Variants in ARMC9 observed in about 807,000 individuals in gnomAD.
ARMC9 encodes the protein armadillo repeat containing 9, also known as lisH domain-containing protein ARMC9.
In ARMC9, 94 loss-of-function variants were observed where a neutral mutation model predicts 107.0. That is an observed-to-expected ratio of 0.88 (90% CI 0.74 to 1.04). The LOEUF (loss-of-function observed/expected upper bound fraction) is 1.04, where lower values mean the gene tolerates loss of function less well. Ranked by LOEUF, ARMC9 falls within the 50% of genes least tolerant of loss-of-function variation. The probability of loss-of-function intolerance (pLI) is 0.00; values close to 1 mark genes in which losing one functional copy is unlikely to be tolerated. For missense variants in ARMC9, 942 were observed against 1,030.1 expected (o/e 0.91, Z 1.17); for synonymous variants, 380 against 396.9 (o/e 0.96, Z 0.51).
intron 19 of ARMC9, among the ~76,000 whole-genome samples, chr2:231,298,494 C>T (rs893104617): frequency 6.6e-6 from 1 of 152,224 alleles, no homozygotes; most frequent in Non-Finnish European, 1.5e-5. Context: ...CCCAAGGTGA[C>T]AGCTCTGAAG....
Position 231,276,703 on chromosome 2 carries a change from C to T in ARMC9, c.1402C>T (p.Pro468Ser). The stretch of plus-strand genomic sequence containing the variant: ...CTGGCTGGTTGATGTTCTGAAGGAC[C>T]CTGACTGCCTGTCTGACTACACGCT... Reference protein sequence around the residue: ...IFWLVDVLKDPDCLSDYTLEY... With the variant: ...IFWLVDVLKDSDCLSDYTLEY... Residue 468 changes from proline (P) to serine (S), a missense_variant, in exon 15 of 25, where the codon CCT becomes TCT. By Grantham distance (74) the Pro-to-Ser change is moderately conservative. Transcript: ENST00000611582. The T allele has an allele frequency of 5.6e-6, 9 of 1,614,138 alleles. No homozygotes were observed. Among genetic ancestry groups the T allele is most frequent in the Non-Finnish European group, 7.6e-6 (9 of 1,180,026 alleles).
chr2:231,245,576 C>T (rs540762445), intron 9 of ARMC9, among the ~76,000 whole-genome samples: 74 of 152,342 alleles, frequency 4.9e-4, no homozygotes, highest in African/African-American at 1.4e-3. Flanking sequence ...CTTCGCTCAG[C>T]GCATCCTGCC....
chr2:231,371,457 G>A (rs1349601760), intron 24 of ARMC9, 56 bp from the exon 25 acceptor site: 1 of 1,298,734 alleles, frequency 7.7e-7, no homozygotes, highest in Non-Finnish European at 9.8e-7. Context: ...GGGACAGAGG[G>A]GATTCTGTGC....
chr2:231,267,236 T>A (rs532376706), intron 12 of ARMC9, among the ~76,000 whole-genome samples: 5 of 152,274 alleles, frequency 3.3e-5, no homozygotes, highest in South Asian at 4.1e-4. Context: ...ATATTTATTT[T>A]TTTTTTAATT....
At chr2:231,278,881 A>C (rs1329472603) in intron 16 of ARMC9, among the ~76,000 whole-genome samples, 1 of 152,218 alleles carries the variant, frequency 6.6e-6, no homozygotes, top group Non-Finnish European at 1.5e-5. Context: ...CATTCTGTTT[A>C]TGGCTTTTCC....
chr2:231,235,447 A>G (rs2035618408), intron 8 of ARMC9, 66 bp downstream of exon 8: 4 of 1,545,222 alleles, frequency 2.6e-6, no homozygotes, highest in Admixed American at 1.9e-5. Flanking sequence ...GGCATGGACT[A>G]TGTTGATATG....
chr2:231,223,470 A>G (rs1283497185), intron 6 of ARMC9, among the ~76,000 whole-genome samples: 1 of 152,184 alleles, frequency 6.6e-6, no homozygotes, highest in Non-Finnish European at 1.5e-5. Context: ...AATTTCCCAA[A>G]GGTTATTAGT....
At chr2:231,259,156 C>A in intron 11 of ARMC9, 54 bp downstream of exon 11, 1 of 1,419,990 alleles carries the variant, frequency 7.0e-7, no homozygotes, top group Non-Finnish European at 9.8e-7. Flanking sequence ...TGCTGGTTTT[C>A]TTGGCTGGCT....
chr2:231,226,715 C>T (rs2034675056), intron 6 of ARMC9, 59 bp from the exon 7 acceptor site: 6 of 1,581,212 alleles, frequency 3.8e-6, no homozygotes, highest in African/African-American at 1.4e-5. Flanking sequence ...ACAGGATGTC[C>T]GATACCCCAA....
chr2:231,313,565 C>T (rs982952653), intron 19 of ARMC9, among the ~76,000 whole-genome samples: 2 of 151,908 alleles, frequency 1.3e-5, no homozygotes, highest in Admixed American at 1.3e-4. Flanking sequence ...GTTGTGCTAC[C>T]ATCCCCACAA....
intron 19 of ARMC9, among the ~76,000 whole-genome samples, chr2:231,299,822 C>T (rs973299353): frequency 6.6e-6 from 1 of 152,080 alleles, no homozygotes; most frequent in Non-Finnish European, 1.5e-5. Flanking sequence ...TTTCTTGGCC[C>T]ACAAAGCCCC....
chr2:231,226,473 A>G (rs2034654511), intron 6 of ARMC9, among the ~76,000 whole-genome samples: 1 of 152,198 alleles, frequency 6.6e-6, no homozygotes, highest in Admixed American at 6.5e-5. Flanking sequence ...GCAGTGGGGA[A>G]GGCCTTTGGA....
intron 19 of ARMC9, among the ~76,000 whole-genome samples, chr2:231,312,170 G>A (rs2042391743): frequency 6.6e-6 from 1 of 152,196 alleles, no homozygotes; most frequent in Non-Finnish European, 1.5e-5. Context: ...TCATTCGGCT[G>A]GATGTCAGCT....
rs1559336651 is a variant in ARMC9, at chr2:231,239,930, A to G, written c.781-13A>G. 2 of 1,609,578 alleles carry G rather than the reference A, an allele frequency of 1.2e-6. No homozygotes were observed. Among genetic ancestry groups the G allele is most frequent in the Admixed American group, 1.7e-5 (1 of 59,974 alleles). On this transcript the variant is annotated splice_polypyrimidine_tract_variant and intron_variant, in intron 8 of 24. Transcript: ENST00000611582. ...TCATGCCATCACCAGATGTCTTTGT[A>G]TCCTCCTTGCAGATCACCCCTGAGT...
rs557058278 is a variant in ARMC9 at position 231,259,852 on chromosome 2, C to T, written c.1026+750C>T. The stretch of plus-strand genomic sequence containing the variant: ...TACTAAAAATACAAAAAAAATTAGC[C>T]AGGCATGAGGGCAGGCGCCTGTAGT... On this transcript the variant is annotated intron_variant, in intron 11 of 24. Transcript: ENST00000611582. 4.6e-5 allele frequency among the ~76,000 whole-genome samples: 7 copies of T among 152,102 alleles called. No homozygotes were observed. The South Asian group carries it at 1.2e-3, about 27-fold the overall frequency.
rs1293816262 is a variant in ARMC9 at position 231,360,397 on chromosome 2, G to A, written c.2132-357G>A. ...CCAGTTACATTTGAGTTTCAGATAA[G>A]CAAATGGGCCTCCACATTCTGTCTG... On this transcript the variant is annotated intron_variant, in intron 22 of 24. Transcript: ENST00000611582. This position sits in a 1 kb window ranked among gnomAD's most constrained non-coding sequence, Gnocchi z 4.7. Among the ~76,000 whole-genome samples the A allele has an allele frequency of 2.0e-5, 3 of 152,220 alleles. No homozygotes were observed. Among genetic ancestry groups the A allele is most frequent in the Admixed American group, 6.5e-5 (1 of 15,286 alleles).
chr2:231,254,083 C>G lies in ARMC9; in HGVS notation c.880-2503C>G, dbSNP rs577023690. On this transcript the variant is annotated intron_variant, in intron 9 of 24. Coordinates refer to ENST00000611582, the MANE Select transcript of ARMC9 (RefSeq NM_001352754.2). ...AGCTGGCTCTCGGGGAACAACAAAACAAAGTTGCATGCCTCATTCACACCA... is the reference window on the plus strand; with the variant it reads ...AGCTGGCTCTCGGGGAACAACAAAAGAAAGTTGCATGCCTCATTCACACCA... Among the ~76,000 whole-genome samples, 5 of 152,120 alleles carry G rather than the reference C, an allele frequency of 3.3e-5. No homozygotes were observed. In the South Asian group the frequency reaches 1.0e-3, roughly 32 times the overall value.
At chr2:231,216,256 A>C (rs2033489270) in intron 4 of ARMC9, among the ~76,000 whole-genome samples, 1 of 152,210 alleles carries the variant, frequency 6.6e-6, no homozygotes, top group Admixed American at 6.5e-5. Context: ...ACAGATACTT[A>C]TTTATATCTG....
chr2:231,202,441 T>C (rs780836673), intron 1 of ARMC9, among the ~76,000 whole-genome samples: 1 of 148,958 alleles, frequency 6.7e-6, no homozygotes, highest in African/African-American at 2.5e-5. Flanking sequence ...TCCTGTCTCA[T>C]CCTCCCCAGT....
Sources: allele counts gnomAD v4.1 joint callset (sites outside exome capture counted in the v4.1 genomes callset), GRCh38; gene constraint gnomAD v4.1.1; non-coding constraint Gnocchi (gnomAD v3.1); transcripts MANE v1.5; gene names NCBI Gene and HGNC (gene_info 2026-07-23, HGNC 2026-07-21).